MAML2: variants seen among roughly 807,000 people sequenced by gnomAD.
MAML2 encodes the protein mastermind-like protein 2.
In MAML2, 22 loss-of-function variants were observed where a neutral mutation model predicts 96.1. The ratio of observed to expected loss-of-function variants is 0.23; its 90% CI spans 0.16 to 0.33. MAML2 has a LOEUF of 0.33. MAML2 is among the 10% of genes least tolerant of loss of function. The pLI is 1.00. For missense variants in MAML2, 1,367 were observed against 1,392.4 expected (o/e 0.98, Z 0.29); for synonymous variants, 561 against 521.3 (o/e 1.08, Z -1.04).
chr11:96,122,491 AG>A (rs1317405999), intron 1 of MAML2, among the ~76,000 whole-genome samples: 1 of 94,794 alleles, frequency 1.1e-5, no homozygotes, highest in African/African-American at 4.3e-5. Flanking sequence ...CAAATCTTTT[AG>A]GCTGGGTGTG....
intron 1 of MAML2, among the ~76,000 whole-genome samples, chr11:96,146,040 G>C (rs970819301): frequency 8.5e-5 from 13 of 152,112 alleles, no homozygotes; most frequent in African/African-American, 2.9e-4. Flanking sequence ...ACACGTGTGT[G>C]TGCCACACAC....
Position 95,978,759 on chromosome 11 carries a change from T to C in MAML2, c.*189A>G. 1 of 582,456 alleles carries C rather than the reference T, an allele frequency of 1.7e-6. No individual in the cohort carries two copies. The highest frequency in any genetic ancestry group is 2.9e-5 in the East Asian group (1 of 34,520). 36.1% of individuals were successfully genotyped at this position (582,456 alleles called of 1,614,324 possible). A position where few individuals can be genotyped will look rare whatever the true frequency, so the allele number is the denominator to read the frequency against. ...GAAAAGTGATCCCAATATTTTACTT[T>C]CAGGTGTAAGATTTAAAACAAGAAT... On this transcript the variant is annotated 3_prime_UTR_variant, in exon 5 of 5. Coordinates refer to ENST00000524717, the MANE Select transcript of MAML2 (RefSeq NM_032427.4).
chr11:96,006,902 C>T (rs961545481), intron 2 of MAML2, among the ~76,000 whole-genome samples: 1 of 151,384 alleles, frequency 6.6e-6, no homozygotes, highest in Non-Finnish European at 1.5e-5. Flanking sequence ...CACACACACA[C>T]ACACACACAC....
intron 1 of MAML2, among the ~76,000 whole-genome samples, chr11:96,196,976 A>C (rs1025917309): frequency 6.6e-6 from 1 of 151,474 alleles, no homozygotes; most frequent in Admixed American, 6.6e-5. Flanking sequence ...CTTTTCTATA[A>C]ATGTGGAATG....
At chr11:96,012,865 TTC>T (rs1465936900) in intron 2 of MAML2, among the ~76,000 whole-genome samples, 2 of 152,348 alleles carry the variant, frequency 1.3e-5, no homozygotes, top group East Asian at 1.9e-4. Context: ...TTTCAAATAA[TTC>T]TGTTTCACAA....
intron 1 of MAML2, among the ~76,000 whole-genome samples, chr11:96,326,272 C>A (rs1211985898): frequency 6.6e-6 from 1 of 151,834 alleles, no homozygotes; most frequent in Non-Finnish European, 1.5e-5. Context: ...AGAATTTAAA[C>A]CTGGGAAGAA....
intron 1 of MAML2, among the ~76,000 whole-genome samples, chr11:96,247,168 C>G (rs1862523549): frequency 6.6e-6 from 1 of 151,952 alleles, no homozygotes; most frequent in South Asian, 2.1e-4. Flanking sequence ...CAGCTCAACA[C>G]ACACATTTAG....
At chr11:96,228,781 T>C (rs572792693) in intron 1 of MAML2, among the ~76,000 whole-genome samples, 2 of 152,338 alleles carry the variant, frequency 1.3e-5, no homozygotes, top group Admixed American at 1.3e-4. Context: ...ATTGTGGTGA[T>C]GCTGCCTCCG....
chr11:96,110,873 A>C (rs1380877965), intron 1 of MAML2, among the ~76,000 whole-genome samples: 1 of 152,208 alleles, frequency 6.6e-6, no homozygotes, highest in Non-Finnish European at 1.5e-5. Context: ...AGATATTTCA[A>C]AGCATCAGGA....
chr11:96,340,421 T>C (rs1284818661), intron 1 of MAML2, among the ~76,000 whole-genome samples: 1 of 152,226 alleles, frequency 6.6e-6, no homozygotes, highest in Non-Finnish European at 1.5e-5. Flanking sequence ...CAGAGGCCAC[T>C]GGTCCAGCAG....
intron 1 of MAML2, among the ~76,000 whole-genome samples, chr11:96,286,445 C>A (rs1863141748): frequency 6.6e-6 from 1 of 152,142 alleles, no homozygotes; most frequent in Admixed American, 6.5e-5. Context: ...ATGTAACAAA[C>A]TTGCACATTC....
chr11:96,309,735 C>T (rs1591125780), intron 1 of MAML2, among the ~76,000 whole-genome samples: 2 of 149,086 alleles, frequency 1.3e-5, no homozygotes, highest in Middle Eastern at 7.0e-3. Flanking sequence ...TCTCACTCTG[C>T]CACCTAGGCT....
chr11:95,995,877 A>G (rs1857981696), intron 2 of MAML2, among the ~76,000 whole-genome samples: 1 of 152,214 alleles, frequency 6.6e-6, no homozygotes, highest in South Asian at 2.1e-4. Context: ...GATAAGCTAC[A>G]CATACCACAC....
chr11:96,185,212 C>A (rs1861555026), intron 1 of MAML2, among the ~76,000 whole-genome samples: 2 of 148,338 alleles, frequency 1.3e-5, no homozygotes, highest in South Asian at 2.1e-4. Context: ...TGTGTTACAA[C>A]CACCTCAGGG....
intron 1 of MAML2, among the ~76,000 whole-genome samples, chr11:96,099,934 A>G (rs2135820174): frequency 6.6e-6 from 1 of 152,264 alleles, no homozygotes. Flanking sequence ...GAGCCACCAT[A>G]CTTGCCCATT....
intron 1 of MAML2, among the ~76,000 whole-genome samples, chr11:96,255,789 G>T (rs1471577795): frequency 6.6e-6 from 1 of 151,182 alleles, no homozygotes; most frequent in Admixed American, 6.6e-5. Flanking sequence ...ACCTCATCAT[G>T]CCCTGTATCA....
intron 2 of MAML2, among the ~76,000 whole-genome samples, chr11:96,083,673 G>C (rs1364748899): frequency 6.6e-6 from 1 of 152,176 alleles, no homozygotes; most frequent in Non-Finnish European, 1.5e-5. Flanking sequence ...CAGAAGAAAG[G>C]ACGATAAGTC....
intron 1 of MAML2, among the ~76,000 whole-genome samples, chr11:96,325,518 A>C (rs567793113): frequency 3.3e-5 from 5 of 152,294 alleles, no homozygotes; most frequent in Admixed American, 6.5e-5. Flanking sequence ...TGATAGCATA[A>C]GGTTTCTGTG....
At chr11:96,300,795 G>A (rs1350509799) in intron 1 of MAML2, among the ~76,000 whole-genome samples, 1 of 152,160 alleles carries the variant, frequency 6.6e-6, no homozygotes. Flanking sequence ...GAGAGGAAGC[G>A]GAGCTGAGGA....
Sources: gnomAD v4.1 joint callset for allele counts (sites outside exome capture counted in the v4.1 genomes callset) on GRCh38, gnomAD v4.1.1 for gene constraint, MANE v1.5 for transcripts, NCBI Gene and HGNC (gene_info 2026-07-23, HGNC 2026-07-21) for gene names.